The following CAMKMT variants were observed in gnomAD, a reference collection of about 807,000 sequenced individuals.
CAMKMT encodes calmodulin-lysine N-methyltransferase, also known as CaM KMT.
Under a neutral mutation model 48.0 loss-of-function variants are expected in CAMKMT, and 53 were observed. The observed-to-expected ratio is 1.10, with a 90% CI of 0.89 to 1.39. The LOEUF (loss-of-function observed/expected upper bound fraction) is 1.39, where lower values mean the gene tolerates loss of function less well. Ranked by LOEUF, CAMKMT falls within the 40% of genes most tolerant of loss-of-function variation. CAMKMT has a pLI of 0.00. For missense variants in CAMKMT, 428 were observed against 402.7 expected, an observed-to-expected ratio of 1.06 and a Z score of -0.54; for synonymous variants, 165 against 152.3, an observed-to-expected ratio of 1.08 and a Z score of -0.61.
chr2:44,740,295 A>AT (rs1456935700), intron 7 of CAMKMT, among the ~76,000 whole-genome samples: 1 of 151,596 alleles, frequency 6.6e-6, no homozygotes, highest in Non-Finnish European at 1.5e-5. Flanking sequence ...CACCCAGCTA[A>AT]TTTTTTGTAT....
At chr2:44,409,842 A>T (rs1274655661) in intron 3 of CAMKMT, among the ~76,000 whole-genome samples, 7 of 152,176 alleles carry the variant, frequency 4.6e-5, no homozygotes, top group Non-Finnish European at 8.8e-5. Flanking sequence ...TCGTTTGTTC[A>T]TTCAGTAATT....
chr2:44,525,517 G>C (rs941851446), intron 3 of CAMKMT, among the ~76,000 whole-genome samples: 2 of 152,160 alleles, frequency 1.3e-5, no homozygotes, highest in Non-Finnish European at 2.9e-5. Context: ...GCCTCCCAAA[G>C]TGCTGGGATT....
Position 44,394,132 on chromosome 2 carries a change from A to G in CAMKMT, c.376+3827A>G, listed in dbSNP as rs138880750. On this transcript the variant is annotated intron_variant, in intron 3 of 10. Transcript: ENST00000378494. ...TATAATTTATTATAAACTATGTACA[A>G]TATAATGTATATAATCCTTTAAAGG... Among the ~76,000 whole-genome samples, 16 of 152,326 alleles carry G rather than the reference A, an allele frequency of 1.1e-4. No individual in the cohort carries two copies. In the East Asian group the frequency reaches 3.1e-3, roughly 29 times the overall value.
At chr2:44,437,430 C>G (rs542739611) in intron 3 of CAMKMT, among the ~76,000 whole-genome samples, 1 of 150,452 alleles carries the variant, frequency 6.6e-6, no homozygotes, top group South Asian at 2.1e-4. Context: ...TAGGGGATGG[C>G]AAGGGACCTG....
At chr2:44,651,696 T>C (rs1272116225) in intron 3 of CAMKMT, among the ~76,000 whole-genome samples, 1 of 152,184 alleles carries the variant, frequency 6.6e-6, no homozygotes, top group Non-Finnish European at 1.5e-5. Context: ...GTGTAGAAGG[T>C]ATTAGGGAGC....
At chr2:44,575,719 A>G (rs1337621102) in intron 3 of CAMKMT, among the ~76,000 whole-genome samples, 1 of 152,020 alleles carries the variant, frequency 6.6e-6, no homozygotes, top group Non-Finnish European at 1.5e-5. Flanking sequence ...TAATAATGCA[A>G]AAATTAGCTT....
chr2:44,494,583 C>G (rs1202990286), intron 3 of CAMKMT, among the ~76,000 whole-genome samples: 2 of 152,116 alleles, frequency 1.3e-5, no homozygotes, highest in Non-Finnish European at 2.9e-5. Context: ...ACATGCAATT[C>G]AAAGTGTTGG....
intron 3 of CAMKMT, among the ~76,000 whole-genome samples, chr2:44,559,018 C>T (rs576982254): frequency 3.3e-3 from 506 of 152,132 alleles, no homozygotes; most frequent in African/African-American, 0.012. Context: ...AACAGACAGA[C>T]ATTATCTGTC....
At chr2:44,607,434 C>A (rs1342618277) in intron 3 of CAMKMT, among the ~76,000 whole-genome samples, 1 of 152,114 alleles carries the variant, frequency 6.6e-6, no homozygotes, top group Non-Finnish European at 1.5e-5. Context: ...TTTAACTGAA[C>A]ACTAAATTGC....
Position 44,766,437 on chromosome 2 carries a change from C to A in CAMKMT, c.770C>A (p.Ala257Glu). 3 of 1,613,992 alleles carry A rather than the reference C, an allele frequency of 1.9e-6. No homozygotes were observed. Among genetic ancestry groups the A allele is most frequent in the Non-Finnish European group, 2.5e-6 (3 of 1,179,944 alleles). The change falls in exon 10 of 11, where the codon GCG (alanine) becomes GAG (glutamate). Residue 257 changes from alanine to glutamate, a missense_variant. Transcript: ENST00000378494. ...IKRLLQPRGK[A>E]MVFAPRRGNT... ...TCCTTTTTACTGTTCTAGGGGAAAG[C>A]GATGGTATTTGCCCCACGCCGAGGG... is the stretch of plus-strand genomic sequence containing the variant.
intron 3 of CAMKMT, among the ~76,000 whole-genome samples, chr2:44,566,494 G>T (rs984577421): frequency 2.0e-5 from 3 of 152,138 alleles, no homozygotes; most frequent in African/African-American, 7.2e-5. Context: ...CAGGCTGCTG[G>T]GTCGTATGTG....
intron 3 of CAMKMT, among the ~76,000 whole-genome samples, chr2:44,411,966 A>G (rs1209377224): frequency 7.0e-6 from 1 of 142,808 alleles, no homozygotes; most frequent in Non-Finnish European, 1.5e-5. Context: ...ATGTAACATG[A>G]ACATTCTCTT....
chr2:44,550,843 T>G (rs2103650450), intron 3 of CAMKMT: 1 of 152,364 alleles, frequency 6.6e-6, no homozygotes, highest in East Asian at 1.9e-4. Flanking sequence ...CTGTTGCAAG[T>G]TATCAAAGGA....
At chr2:44,698,152 A>C (rs1287583216) in intron 3 of CAMKMT, among the ~76,000 whole-genome samples, 1 of 152,226 alleles carries the variant, frequency 6.6e-6, no homozygotes, top group Non-Finnish European at 1.5e-5. Context: ...ATCCAGTGGT[A>C]GTTAGTGTAT....
At chr2:44,602,296 A>G (rs1252539788) in intron 3 of CAMKMT, among the ~76,000 whole-genome samples, 1 of 152,040 alleles carries the variant, frequency 6.6e-6, no homozygotes, top group East Asian at 1.9e-4. Context: ...CTTTTAGAAA[A>G]TTTATTAGCC....
At chr2:44,547,816 T>C (rs528922562) in intron 3 of CAMKMT, among the ~76,000 whole-genome samples, 3 of 152,292 alleles carry the variant, frequency 2.0e-5, no homozygotes, top group Non-Finnish European at 4.4e-5. Context: ...TCTTTCCTTA[T>C]CTCTAACGGC....
intron 3 of CAMKMT, among the ~76,000 whole-genome samples, chr2:44,587,506 C>T (rs1329701868): frequency 6.2e-5 from 9 of 144,510 alleles, no homozygotes; most frequent in East Asian, 4.1e-4. Context: ...TCTCCTTCCA[C>T]GGTCTCCCTC....
At chr2:44,751,200 C>T (rs1489964254) in intron 8 of CAMKMT, among the ~76,000 whole-genome samples, 5 of 152,154 alleles carry the variant, frequency 3.3e-5, no homozygotes, top group East Asian at 1.9e-4. Context: ...ATGGCTTTCT[C>T]GACCAACCCC....
At position 44,412,398 on chromosome 2, in the gene CAMKMT, C is replaced by T. The variant is rs566776206; in HGVS notation, c.376+22093C>T. 5.3e-5 allele frequency among the ~76,000 whole-genome samples: 8 copies of T among 152,248 alleles called. No homozygotes were observed. The Middle Eastern group carries it at 0.01, about 194-fold the overall frequency. ...TCGCCTAGGCTGAAGTACAATGGCACAATCTTGGCTCACTGCAACCTCTGC... is the reference window on the plus strand; with the variant it reads ...TCGCCTAGGCTGAAGTACAATGGCATAATCTTGGCTCACTGCAACCTCTGC... On this transcript the variant is annotated intron_variant, in intron 3 of 10. Transcript: ENST00000378494.
Sources: gnomAD v4.1 joint callset for allele counts (sites outside exome capture counted in the v4.1 genomes callset) on GRCh38, gnomAD v4.1.1 for gene constraint, MANE v1.5 for transcripts, NCBI Gene and HGNC (gene_info 2026-07-23, HGNC 2026-07-21) for gene names.